The following GAK variants were observed in gnomAD, a reference collection of about 807,000 sequenced individuals.
GAK encodes the protein cyclin G associated kinase.
A neutral mutation model predicts 143.9 loss-of-function variants in GAK; 79 were observed. The ratio of observed to expected loss-of-function variants is 0.55; its 90% CI spans 0.46 to 0.66. The LOEUF (loss-of-function observed/expected upper bound fraction) is 0.66. Ranked by LOEUF, GAK falls within the 30% of genes least tolerant of loss-of-function variation. GAK has a pLI of 0.00. For synonymous variants in GAK, 881 were observed against 765.5 expected (o/e 1.15, Z -2.49); for missense variants, 1,693 against 1,779.7 (o/e 0.95, Z 0.88).
At chr4:901,108 A>C (rs1407316330) in intron 5 of GAK, among the ~76,000 whole-genome samples, 1 of 152,254 alleles carries the variant, frequency 6.6e-6, no homozygotes, top group Non-Finnish European at 1.5e-5. Context: ...TGTACAGCCA[A>C]GTAGAGAAAA....
chr4:851,440 T>C (rs1335559963), intron 25 of GAK: 3 of 512,612 alleles, frequency 5.9e-6, no homozygotes, highest in Non-Finnish European at 1.0e-5. Context: ...CAATTCCACC[T>C]GCTGCCCCCG....
At chr4:893,151 AC>A (rs1485335620) in intron 9 of GAK, among the ~76,000 whole-genome samples, 1 of 146,604 alleles carries the variant, frequency 6.8e-6, no homozygotes, top group Non-Finnish European at 1.5e-5. Context: ...GTGATAGGAG[AC>A]TTGGGGTTCA....
At chr4:853,211 G>C (rs1428726541) in intron 24 of GAK, 1 of 152,236 alleles carries the variant, frequency 6.6e-6, no homozygotes, top group Non-Finnish European at 1.5e-5. Flanking sequence ...CGGGGCATCC[G>C]CCACTCCCCC....
intron 6 of GAK, among the ~76,000 whole-genome samples, chr4:897,766 C>T (rs538366672): frequency 1.1e-4 from 16 of 152,292 alleles, no homozygotes; most frequent in Middle Eastern, 3.4e-3. Context: ...CTGGCCAACA[C>T]GGTGAAACCC....
intron 23 of GAK, among the ~76,000 whole-genome samples, chr4:862,706 T>C (rs1040246059): frequency 2.0e-5 from 3 of 149,546 alleles, no homozygotes; most frequent in East Asian, 3.9e-4. Context: ...GCCATAGAAA[T>C]GGCACAGCAA....
intron 15 of GAK, 84 bp from the exon 16 acceptor site, chr4:877,893 T>C: frequency 8.1e-7 from 1 of 1,228,508 alleles, no homozygotes; most frequent in Non-Finnish European, 1.1e-6. Flanking sequence ...ATAGAAGTTT[T>C]TCATGCTAGA....
rs1052764830 is a variant in GAK at position 876,417 on chromosome 4, A to G, written c.2054+113T>C. On this transcript the variant is annotated intron_variant, in intron 18 of 27. Transcript: ENST00000314167. Reference sequence around the variant, plus strand: ...AGGAACAGGCCCAGAGCCACCAAGCAGCAGTCACACAGCCCGCCACTCCCC... The same window carrying G: ...AGGAACAGGCCCAGAGCCACCAAGCGGCAGTCACACAGCCCGCCACTCCCC... 5.8e-6 allele frequency: 5 copies of G among 865,036 alleles called. No individual in the cohort carries two copies. The African/African-American group carries it at 8.2e-5, about 14-fold the overall frequency. 53.6% of individuals were successfully genotyped at this position (865,036 alleles called of 1,614,324 possible).
chr4:903,188 A>G (rs1194384107), intron 5 of GAK, among the ~76,000 whole-genome samples: 56 of 150,224 alleles, frequency 3.7e-4, no homozygotes, highest in African/African-American at 1.3e-3. Flanking sequence ...GCCCAGCCCC[A>G]GTCTAGAAGC....
At chr4:896,276 A>C (rs1031159072) in intron 7 of GAK, among the ~76,000 whole-genome samples, 184 bp downstream of exon 7, 11 of 152,206 alleles carry the variant, frequency 7.2e-5, no homozygotes, top group Non-Finnish European at 7.3e-5. Context: ...TCTCCAAAAA[A>C]ACCCAAAAAA....
intron 3 of GAK, 120 bp from the exon 4 acceptor site, chr4:911,907 AT>A (rs1722110793): frequency 9.3e-6 from 7 of 752,880 alleles, no homozygotes; most frequent in African/African-American, 3.5e-5. Flanking sequence ...AACCCTTACA[AT>A]TTTAGACGTC....
chr4:850,755 G>T, intron 26 of GAK, 181 bp downstream of exon 26: 1 of 582,296 alleles, frequency 1.7e-6, no homozygotes, highest in Non-Finnish European at 2.8e-6. Context: ...CTTGAGGGCT[G>T]CCAGGCCCAT....
In GAK at chr4:877,352, GA is replaced by G. The variant is rs753823425; in HGVS notation, c.1857-146del. 4.2e-5 allele frequency: 28 copies of G among 674,188 alleles called. No individual in the cohort carries two copies. In the East Asian group the frequency reaches 7.3e-4, roughly 18 times the overall value. 41.8% of individuals were successfully genotyped at this position (674,188 alleles called of 1,614,324 possible). A position where few individuals can be genotyped will look rare whatever the true frequency, so the allele number is the denominator to read the frequency against. ...ATAACCCCCATGAAGAGCCTCACAA[GA>G]ATTCTAAAGTCTCCTGGGCACTCGG... On this transcript the variant is annotated intron_variant, in intron 16 of 27. Transcript: ENST00000314167.
chr4:887,148 C>T (rs1716522920), intron 11 of GAK: 2 of 152,032 alleles, frequency 1.3e-5, no homozygotes, highest in Admixed American at 1.3e-4. Flanking sequence ...CACATGCGTA[C>T]ACATGCACGC....
At chr4:903,706 G>A (rs965811276) in intron 5 of GAK, among the ~76,000 whole-genome samples, 15 of 114,242 alleles carry the variant, frequency 1.3e-4, no homozygotes, top group Admixed American at 9.5e-4. Context: ...ACCGGGGGGC[G>A]GTGGGGGGGC....
rs185731705 is a variant in GAK, at chr4:924,127, G to C, written c.145+7916C>G. On this transcript the variant is annotated intron_variant, in intron 1 of 27. Transcript: ENST00000314167. ...TTGAACCTGGGAGGTGGAGCTTGCC[G>C]TGAGCCAAGATGGAGCCACTGCACT... Among the ~76,000 whole-genome samples the C allele has an allele frequency of 1.2e-4, 17 of 147,822 alleles. No homozygotes were observed. In the East Asian group the frequency reaches 2.4e-3, roughly 21 times the overall value.
intron 18 of GAK, chr4:872,868 C>A (rs188270599): frequency 6.4e-6 from 1 of 156,248 alleles, no homozygotes; most frequent in African/African-American, 2.4e-5. Context: ...AGAGCGGACT[C>A]CTGACAGGCT....
At chr4:881,221 G>A (rs148501337) in intron 15 of GAK, among the ~76,000 whole-genome samples, 13 of 152,296 alleles carry the variant, frequency 8.5e-5, no homozygotes, top group East Asian at 1.9e-4. Flanking sequence ...CCACGGGGCC[G>A]GCCTTTGCTC....
At chr4:891,987 G>A (rs140495153) in intron 9 of GAK, among the ~76,000 whole-genome samples, 1 of 152,130 alleles carries the variant, frequency 6.6e-6, no homozygotes, top group Non-Finnish European at 1.5e-5. Flanking sequence ...CATGATGGCC[G>A]CCAGAGAGGG....
intron 1 of GAK, among the ~76,000 whole-genome samples, chr4:918,325 G>C (rs1208275654): frequency 6.6e-6 from 1 of 152,208 alleles, no homozygotes; most frequent in Non-Finnish European, 1.5e-5. Context: ...CAGAAACAAG[G>C]CAAGATGTCT....
Sources: gnomAD v4.1 joint callset for allele counts (sites outside exome capture counted in the v4.1 genomes callset) on GRCh38, gnomAD v4.1.1 for gene constraint, MANE v1.5 for transcripts, NCBI Gene and HGNC (gene_info 2026-07-23, HGNC 2026-07-21) for gene names.